LTBP1: variants seen among roughly 807,000 people sequenced by gnomAD.
LTBP1 encodes latent-transforming growth factor beta-binding protein 1.
A neutral mutation model predicts 207.6 loss-of-function variants in LTBP1; 129 were observed. The observed-to-expected ratio is 0.62, with a 90% confidence interval of 0.54 to 0.72. The LOEUF (loss-of-function observed/expected upper bound fraction) is 0.72. Ranked by LOEUF, LTBP1 falls within the 30% of genes least tolerant of loss-of-function variation. The pLI is 0.00. For synonymous variants in LTBP1, 963 were observed against 833.7 expected (o/e 1.16, Z -2.67); for missense variants, 2,281 against 2,217.2 (o/e 1.03, Z -0.58).
rs1301013278 is a variant in LTBP1, at chr2:32,977,159, A to G, written c.565+28214A>G. On this transcript the variant is annotated intron_variant, in intron 2 of 33. Transcript: ENST00000404816. ...TCTAGCAGGCATGGCCTGCCTGGCT[A>G]CCGGCTTTGGGGGTGGGTGGAGTGG... is the stretch of plus-strand genomic sequence containing the variant. Among the ~76,000 whole-genome samples, 3 of 152,226 alleles carry G rather than the reference A, an allele frequency of 2.0e-5. No homozygotes were observed. The East Asian group carries it at 5.8e-4, about 29-fold the overall frequency.
intron 3 of LTBP1, among the ~76,000 whole-genome samples, chr2:33,072,632 A>G (rs2077849090): frequency 6.6e-6 from 1 of 152,212 alleles, no homozygotes; most frequent in Admixed American, 6.5e-5. Flanking sequence ...GCAGAAGGTC[A>G]GTGAGAGAGA....
chr2:33,330,110 A>C (rs2167973), intron 24 of LTBP1, among the ~76,000 whole-genome samples: 36,313 of 151,960 alleles, frequency 0.24, 7,038 homozygotes, highest in African/African-American at 0.53. Context: ...ACTTATTCCT[A>C]GGTCTTCAAG....
intron 9 of LTBP1, among the ~76,000 whole-genome samples, chr2:33,242,111 A>G (rs2092346458): frequency 1.3e-5 from 2 of 152,216 alleles, no homozygotes; most frequent in Non-Finnish European, 1.5e-5. Context: ...TAAAAATTGC[A>G]TGCTCTGAGT....
chr2:33,368,832 G>A (rs1490228059), intron 31 of LTBP1, among the ~76,000 whole-genome samples: 4 of 152,262 alleles, frequency 2.6e-5, no homozygotes, highest in African/African-American at 9.6e-5. Context: ...GGCCAAGATC[G>A]CACCACTGCA....
chr2:33,089,833 A>C (rs218177), intron 3 of LTBP1, among the ~76,000 whole-genome samples: 133,220 of 152,248 alleles, frequency 0.88, 60,835 homozygotes, highest in East Asian at 1. Context: ...TAAAAAGATA[A>C]CATTTGCTTT....
At chr2:33,007,550 T>C (rs961210312) in intron 2 of LTBP1, among the ~76,000 whole-genome samples, 2 of 152,256 alleles carry the variant, frequency 1.3e-5, no homozygotes, top group Non-Finnish European at 2.9e-5. Context: ...ATTTTGCCGC[T>C]ATCACTGTTT....
Position 33,375,380 on chromosome 2 carries a change from G to A in LTBP1, c.4711+9877G>A, listed in dbSNP as rs73929409. 1.6e-3 allele frequency among the ~76,000 whole-genome samples: 250 copies of A among 152,284 alleles called. 2 individuals carry two copies. Among genetic ancestry groups the A allele is most frequent in the African/African-American group, 5.3e-3 (219 of 41,550 alleles). ...GAATCAAAGACAATGAGGGATAGGAGGGTGTTCAGGGAATTGCACAGACCC... is the reference window on the plus strand; with the variant it reads ...GAATCAAAGACAATGAGGGATAGGAAGGTGTTCAGGGAATTGCACAGACCC... On this transcript the variant is annotated intron_variant, in intron 31 of 33. Coordinates refer to ENST00000404816, the MANE Select transcript of LTBP1 (RefSeq NM_206943.4).
chr2:33,280,817 C>T (rs942350435), intron 19 of LTBP1, among the ~76,000 whole-genome samples: 3 of 152,096 alleles, frequency 2.0e-5, no homozygotes, highest in Non-Finnish European at 4.4e-5. Context: ...GCCTGTAATC[C>T]CAGAACTTTG....
At chr2:33,204,215 T>TC (rs1239581385) in intron 7 of LTBP1, among the ~76,000 whole-genome samples, 3 of 152,198 alleles carry the variant, frequency 2.0e-5, no homozygotes, top group African/African-American at 7.2e-5. Context: ...CCATTTTTTT[T>TC]CCCTCTTCTG....
At position 33,249,323 on chromosome 2, in the gene LTBP1, T is replaced by TCACACACACACACA. The variant is rs61249844; in HGVS notation, c.2000-3323_2000-3310dup. Among the ~76,000 whole-genome samples, 1,081 of 141,394 alleles carry TCACACACACACACA rather than the reference T, an allele frequency of 7.6e-3. 10 individuals are homozygous for TCACACACACACACA. The highest frequency in any genetic ancestry group is 0.024 in the Middle Eastern group (7 of 286). The allele number at this position is 141,394 out of a possible 152,430, so 92.8% of individuals were successfully genotyped here. A position where few individuals can be genotyped will look rare whatever the true frequency, so the allele number is the denominator to read the frequency against. On this transcript the variant is annotated intron_variant, in intron 10 of 33. Transcript: ENST00000404816. ...AGGTCATCTCAGTAGGTCTGATTTT[T>TCACACACACACACA]CACACACACACACACACACACACAC...
chr2:32,974,375 G>T (rs895812541), intron 2 of LTBP1, among the ~76,000 whole-genome samples: 1 of 152,114 alleles, frequency 6.6e-6, no homozygotes, highest in East Asian at 1.9e-4. Context: ...GTTGGAATTT[G>T]TATGTCTTCT....
chr2:33,267,763 A>C (rs1336540679), intron 15 of LTBP1, among the ~76,000 whole-genome samples: 2 of 152,262 alleles, frequency 1.3e-5, no homozygotes, highest in African/African-American at 4.8e-5. Context: ...GTAGAGGTTA[A>C]GTTCAGTTAG....
intron 3 of LTBP1, among the ~76,000 whole-genome samples, chr2:33,047,104 C>T (rs570865987): frequency 5.3e-5 from 8 of 152,228 alleles, no homozygotes; most frequent in Non-Finnish European, 1.2e-4. Context: ...TTTTGTGTCT[C>T]TATCTCCTTC....
chr2:33,157,387 G>A (rs1051986389), intron 5 of LTBP1, among the ~76,000 whole-genome samples: 4 of 152,200 alleles, frequency 2.6e-5, no homozygotes, highest in Non-Finnish European at 4.4e-5. Context: ...AGGATCCTGC[G>A]TGCAGGAGGA....
At chr2:33,397,085 AT>A (rs1558361027) in intron 32 of LTBP1, 47 bp from the exon 33 acceptor site, 1 of 1,572,464 alleles carries the variant, frequency 6.4e-7, no homozygotes, top group East Asian at 2.3e-5. Context: ...ACAAAATGAT[AT>A]AGGAAGTTGA....
At chr2:33,160,195 T>C (rs2084341205) in intron 5 of LTBP1, among the ~76,000 whole-genome samples, 1 of 152,168 alleles carries the variant, frequency 6.6e-6, no homozygotes, top group Admixed American at 6.5e-5. Context: ...TTAAATAGAA[T>C]ATTCAATCCA....
At chr2:32,980,859 G>A (rs1296128682) in intron 2 of LTBP1, among the ~76,000 whole-genome samples, 1 of 152,094 alleles carries the variant, frequency 6.6e-6, no homozygotes, top group Non-Finnish European at 1.5e-5. Flanking sequence ...CTCTTCTAGG[G>A]TAATAGTGAT....
chr2:32,977,701 G>C (rs901484812), intron 2 of LTBP1, among the ~76,000 whole-genome samples: 1 of 152,136 alleles, frequency 6.6e-6, no homozygotes, highest in Non-Finnish European at 1.5e-5. Flanking sequence ...TGAATCCCCT[G>C]AGGGGCTCTC....
intron 5 of LTBP1, among the ~76,000 whole-genome samples, chr2:33,159,912 C>T (rs565190773): frequency 3.3e-5 from 5 of 152,218 alleles, no homozygotes; most frequent in East Asian, 1.9e-4. Flanking sequence ...GATGGAGTCT[C>T]GCTCTGTTGC....
Sources: gnomAD v4.1 joint callset for allele counts (sites outside exome capture counted in the v4.1 genomes callset) on GRCh38, gnomAD v4.1.1 for gene constraint, MANE v1.5 for transcripts, NCBI Gene and HGNC (gene_info 2026-07-23, HGNC 2026-07-21) for gene names.